CYP7B1: variants seen among roughly 807,000 people sequenced by gnomAD.
CYP7B1 encodes cytochrome P450 family 7 subfamily B member 1.
CYP7B1 carries 29 observed loss-of-function variants against 42.7 expected under a neutral mutation model. The observed-to-expected ratio is 0.68, with a 90% CI of 0.51 to 0.93. The LOEUF (loss-of-function observed/expected upper bound fraction) is 0.93. Among genes scored for constraint, CYP7B1 ranks in the 40% least tolerant of loss-of-function variants. The pLI is 0.00. For synonymous variants in CYP7B1, 235 were observed against 218.2 expected (o/e 1.08, Z -0.68); for missense variants, 655 against 600.5 (o/e 1.09, Z -0.95).
intron 1 of CYP7B1, among the ~76,000 whole-genome samples, chr8:64,667,652 G>A (rs1478775557): frequency 6.6e-6 from 1 of 152,020 alleles, no homozygotes; most frequent in African/African-American, 2.4e-5. Context: ...CTCTAATTAG[G>A]TATCAGTTGG....
chr8:64,796,074 G>T (rs1804698487), intron 1 of CYP7B1, among the ~76,000 whole-genome samples: 1 of 152,152 alleles, frequency 6.6e-6, no homozygotes, highest in Admixed American at 6.5e-5. Context: ...TTGTTCAAAA[G>T]ATGAAAATGG....
At chr8:64,723,235 T>C (rs1001653362) in intron 1 of CYP7B1, among the ~76,000 whole-genome samples, 2 of 152,226 alleles carry the variant, frequency 1.3e-5, no homozygotes, top group Non-Finnish European at 2.9e-5. Flanking sequence ...CTACAGTTTA[T>C]GGTGCTTTCT....
chr8:64,707,020 T>G (rs1374259726), intron 1 of CYP7B1, among the ~76,000 whole-genome samples: 1 of 152,064 alleles, frequency 6.6e-6, no homozygotes, highest in Non-Finnish European at 1.5e-5. Context: ...ATTAGAAACC[T>G]TGAATGATTC....
intron 1 of CYP7B1, among the ~76,000 whole-genome samples, chr8:64,684,660 C>T (rs997177252): frequency 3.3e-5 from 5 of 152,156 alleles, no homozygotes; most frequent in African/African-American, 9.7e-5. Context: ...CAAATGGCAC[C>T]TTACCAAGCA....
chr8:64,782,184 C>A (rs771149621), intron 1 of CYP7B1, among the ~76,000 whole-genome samples: 1 of 149,102 alleles, frequency 6.7e-6, no homozygotes, highest in African/African-American at 2.5e-5. Flanking sequence ...TAGGGAAAGA[C>A]TGAGCTGCAG....
At chr8:64,788,653 A>G (rs1804567349) in intron 1 of CYP7B1, among the ~76,000 whole-genome samples, 1 of 152,148 alleles carries the variant, frequency 6.6e-6, no homozygotes, top group South Asian at 2.1e-4. Context: ...GGTAAATAAT[A>G]ATCTTACTTG....
In CYP7B1 at chr8:64,769,355, G is replaced by A. The variant is rs73243436; in HGVS notation, c.122+29111C>T. On this transcript the variant is annotated intron_variant, in intron 1 of 5. Coordinates refer to ENST00000310193, the MANE Select transcript of CYP7B1 (RefSeq NM_004820.5). ...AAGATTCAATGAGAGTTGGAATATT[G>A]TGAAAGATGAAGTAGGAAAGACTCC... Among the ~76,000 whole-genome samples, 1,184 of 152,196 alleles carry A rather than the reference G, an allele frequency of 7.8e-3. 11 individuals carry two copies. Among genetic ancestry groups the A allele is most frequent in the African/African-American group, 0.027 (1,124 of 41,494 alleles).
At chr8:64,711,960 C>T (rs1807087777) in intron 1 of CYP7B1, among the ~76,000 whole-genome samples, 1 of 152,168 alleles carries the variant, frequency 6.6e-6, no homozygotes, top group African/African-American at 2.4e-5. Flanking sequence ...TATGGCCAAT[C>T]CTTTCTCTTC....
At chr8:64,615,635 A>G (rs1041711829) in intron 3 of CYP7B1, 56 bp downstream of exon 3, 1 of 1,528,712 alleles carries the variant, frequency 6.5e-7, no homozygotes, top group Non-Finnish European at 9.0e-7. Flanking sequence ...TTTTTATTTC[A>G]GAGGTCTATT....
At chr8:64,633,698 T>G (rs1805729946) in intron 1 of CYP7B1, among the ~76,000 whole-genome samples, 1 of 152,206 alleles carries the variant, frequency 6.6e-6, no homozygotes, top group Admixed American at 6.5e-5. Flanking sequence ...GTTCTCAACT[T>G]GATTTACAGA....
intron 1 of CYP7B1, among the ~76,000 whole-genome samples, chr8:64,736,082 T>C (rs1189466280): frequency 4.6e-5 from 7 of 152,182 alleles, no homozygotes; most frequent in African/African-American, 1.4e-4. Flanking sequence ...AATCAAGGTA[T>C]CTAGAAAAAT....
chr8:64,798,619 G>A lies in CYP7B1; in HGVS notation c.-32C>T. On this transcript the variant is annotated 5_prime_UTR_variant, in exon 1 of 6. Transcript: ENST00000310193. ...CGCGCTAGGCCGCGGTGGGCAGCCCGGGGTCTGCCTGCGAACAGCGCGGTC... is the reference window on the plus strand; with the variant it reads ...CGCGCTAGGCCGCGGTGGGCAGCCCAGGGTCTGCCTGCGAACAGCGCGGTC... The A allele has an allele frequency of 6.9e-7, 1 of 1,449,140 alleles. No individual in the cohort carries two copies. 89.8% of individuals were successfully genotyped at this position (1,449,140 alleles called of 1,614,324 possible). A position where few individuals can be genotyped will look rare whatever the true frequency, so the allele number is the denominator to read the frequency against.
intron 1 of CYP7B1, among the ~76,000 whole-genome samples, chr8:64,775,984 T>A (rs1014959753): frequency 6.6e-6 from 1 of 152,190 alleles, no homozygotes; most frequent in Admixed American, 6.5e-5. Flanking sequence ...AATGTTGTCA[T>A]GCCATTTCCT....
At chr8:64,696,940 T>G (rs1563395501) in intron 1 of CYP7B1, among the ~76,000 whole-genome samples, 1 of 152,200 alleles carries the variant, frequency 6.6e-6, no homozygotes, top group Non-Finnish European at 1.5e-5. Context: ...ATTTCTGGAA[T>G]TTTGTGAAAA....
intron 1 of CYP7B1, among the ~76,000 whole-genome samples, chr8:64,732,496 A>T (rs190735363): frequency 6.6e-6 from 1 of 152,300 alleles, no homozygotes; most frequent in Non-Finnish European, 1.5e-5. Flanking sequence ...TTTTGACTTC[A>T]CAGGCTCATA....
At chr8:64,772,166 T>C (rs1340989361) in intron 1 of CYP7B1, among the ~76,000 whole-genome samples, 2 of 152,214 alleles carry the variant, frequency 1.3e-5, no homozygotes, top group African/African-American at 4.8e-5. Context: ...ACTATCTTTT[T>C]CTATGAAGGA....
chr8:64,778,199 A>ATATATATATATATATG (rs1804358920), intron 1 of CYP7B1, among the ~76,000 whole-genome samples: 1 of 141,412 alleles, frequency 7.1e-6, no homozygotes, highest in Non-Finnish European at 1.5e-5. Context: ...ATATATATAT[A>ATATATATATATATATG]TGTATACACA....
chr8:64,732,160 C>T (rs1038901209), intron 1 of CYP7B1, among the ~76,000 whole-genome samples: 1 of 152,176 alleles, frequency 6.6e-6, no homozygotes, highest in Non-Finnish European at 1.5e-5. Context: ...GATCCACTTA[C>T]AGCTTGTACT....
intron 1 of CYP7B1, among the ~76,000 whole-genome samples, chr8:64,691,031 G>A (rs1196421493): frequency 6.6e-6 from 1 of 152,234 alleles, no homozygotes; most frequent in East Asian, 1.9e-4. Flanking sequence ...AACAACTCCC[G>A]AGGTAGGCTT....
Sources: allele counts gnomAD v4.1 joint callset (sites outside exome capture counted in the v4.1 genomes callset), GRCh38; gene constraint gnomAD v4.1.1; transcripts MANE v1.5; gene names NCBI Gene and HGNC (gene_info 2026-07-23, HGNC 2026-07-21).